IQCM: variants seen among roughly 807,000 people sequenced by gnomAD.
IQCM encodes the protein IQ motif containing M.
In IQCM, 45 loss-of-function variants were observed where a neutral mutation model predicts 57.6. That is an observed-to-expected ratio of 0.78 (90% confidence interval 0.62 to 1.00). IQCM has a LOEUF of 1.00. Among genes scored for constraint, IQCM ranks in the 50% least tolerant of loss-of-function variants. The probability of loss-of-function intolerance (pLI) is 0.00; values close to 1 mark genes in which losing one functional copy is unlikely to be tolerated. For synonymous variants in IQCM, 148 were observed against 158.9 expected, an observed-to-expected ratio of 0.93 and a Z score of 0.51; for missense variants, 468 against 511.6, an observed-to-expected ratio of 0.91 and a Z score of 0.82.
chr4:149,797,794 G>GAA (rs59723652), intron 2 of IQCM, among the ~76,000 whole-genome samples: 1 of 142,368 alleles, frequency 7.0e-6, no homozygotes. Context: ...AAATGCTGAA[G>GAA]AAAAAAAAAA....
chr4:149,586,303 T>C (rs1431094097), intron 9 of IQCM, among the ~76,000 whole-genome samples: 2 of 151,690 alleles, frequency 1.3e-5, no homozygotes, highest in Non-Finnish European at 3.0e-5. Context: ...CACAGGTCAT[T>C]CAGATTTTCT....
chr4:149,597,238 T>C (rs1753860033), intron 8 of IQCM, among the ~76,000 whole-genome samples: 1 of 151,612 alleles, frequency 6.6e-6, no homozygotes, highest in Non-Finnish European at 1.5e-5. Context: ...ATATAAACTA[T>C]GAGGGATAAA....
intron 8 of IQCM, among the ~76,000 whole-genome samples, chr4:149,617,041 T>C (rs1052965287): frequency 6.6e-6 from 1 of 151,870 alleles, no homozygotes; most frequent in Non-Finnish European, 1.5e-5. Flanking sequence ...CCACAATCTC[T>C]ACCTCCTGGG....
chr4:149,592,803 T>C (rs1388063145), intron 8 of IQCM, among the ~76,000 whole-genome samples: 2 of 152,140 alleles, frequency 1.3e-5, no homozygotes, highest in Non-Finnish European at 2.9e-5. Context: ...CCTGTTCTGT[T>C]CCATTGGTCT....
intron 2 of IQCM, among the ~76,000 whole-genome samples, chr4:149,810,657 G>T (rs964828132): frequency 2.6e-5 from 4 of 151,870 alleles, no homozygotes; most frequent in African/African-American, 9.7e-5. Context: ...TCACCATGTT[G>T]GTCAGGCTGG....
At chr4:149,689,221 A>AT (rs1419017111) in intron 5 of IQCM, among the ~76,000 whole-genome samples, 1 of 152,118 alleles carries the variant, frequency 6.6e-6, no homozygotes, top group East Asian at 1.9e-4. Context: ...ATGGAATACT[A>AT]TGCAGCCAGA....
chr4:149,491,377 A>G (rs1030341622), intron 12 of IQCM, among the ~76,000 whole-genome samples: 5 of 152,088 alleles, frequency 3.3e-5, no homozygotes, highest in African/African-American at 1.2e-4. Context: ...AAACTTTTGA[A>G]CTTATTATTC....
chr4:149,492,051 C>A (rs531979002), intron 12 of IQCM, among the ~76,000 whole-genome samples: 1 of 151,944 alleles, frequency 6.6e-6, no homozygotes, highest in African/African-American at 2.4e-5. Context: ...ATTTGTATGT[C>A]TTCTTTTGAG....
At chr4:149,365,670 A>G (rs1382961992) in intron 13 of IQCM, among the ~76,000 whole-genome samples, 1 of 152,202 alleles carries the variant, frequency 6.6e-6, no homozygotes, top group African/African-American at 2.4e-5. Flanking sequence ...CACTGATATG[A>G]TGAGGACACT....
chr4:149,636,467 C>T (rs964343046), intron 7 of IQCM, among the ~76,000 whole-genome samples: 17 of 152,188 alleles, frequency 1.1e-4, no homozygotes, highest in South Asian at 4.1e-4. Flanking sequence ...CCATGATAGA[C>T]GTGTGTGGAT....
chr4:149,771,869 G>T (rs190882013), intron 2 of IQCM, among the ~76,000 whole-genome samples: 17 of 152,038 alleles, frequency 1.1e-4, no homozygotes, highest in Non-Finnish European at 2.2e-4. Context: ...TCCTACTAAG[G>T]GGTAAACATT....
At chr4:149,621,365 T>C (rs1756318448) in intron 7 of IQCM, 121 bp from the exon 8 acceptor site, 1 of 411,034 alleles carries the variant, frequency 2.4e-6, no homozygotes, top group African/African-American at 2.0e-5. Flanking sequence ...TATTCTGTAT[T>C]AAAATCACAT....
intron 9 of IQCM, among the ~76,000 whole-genome samples, chr4:149,580,019 A>T (rs1036976574): frequency 5.3e-5 from 8 of 151,830 alleles, no homozygotes; most frequent in African/African-American, 1.7e-4. Context: ...TCTGAGCACA[A>T]GCAGATCAGT....
chr4:149,388,555 A>G (rs1400112429), intron 13 of IQCM, among the ~76,000 whole-genome samples: 3 of 132,910 alleles, frequency 2.3e-5, no homozygotes, highest in Non-Finnish European at 4.9e-5. Context: ...TAATATATAT[A>G]ATATATTTAT....
At chr4:149,565,113 G>A (rs1030281638) in intron 9 of IQCM, among the ~76,000 whole-genome samples, 1 of 152,002 alleles carries the variant, frequency 6.6e-6, no homozygotes, top group Non-Finnish European at 1.5e-5. Context: ...CACAAATGGA[G>A]TTCCACTGAC....
intron 13 of IQCM, among the ~76,000 whole-genome samples, chr4:149,416,279 G>A (rs1263560056): frequency 6.6e-6 from 1 of 151,936 alleles, no homozygotes; most frequent in Admixed American, 6.6e-5. Context: ...TAGTGATCCT[G>A]AAGATTTAAA....
At chr4:149,561,276 TC>T (rs10712505) in intron 10 of IQCM, among the ~76,000 whole-genome samples, 115,074 of 152,016 alleles carry the variant, frequency 0.76, 44,030 homozygotes, top group South Asian at 0.9. Context: ...TTTGGCCCAT[TC>T]TTTCTCTCTC....
chr4:149,388,096 A>G (rs1453380210), intron 13 of IQCM, among the ~76,000 whole-genome samples: 4 of 151,996 alleles, frequency 2.6e-5, no homozygotes, highest in African/African-American at 9.7e-5. Flanking sequence ...GTTGATGGAC[A>G]TTAGGTTATT....
chr4:149,523,915 G>C (rs902444421), intron 12 of IQCM, among the ~76,000 whole-genome samples: 1 of 152,116 alleles, frequency 6.6e-6, no homozygotes, highest in Non-Finnish European at 1.5e-5. Context: ...ACTGAAGAGT[G>C]GGTGGAAATA....
Sources: allele counts gnomAD v4.1 joint callset (sites outside exome capture counted in the v4.1 genomes callset), GRCh38; gene constraint gnomAD v4.1.1; transcripts MANE v1.5; gene names NCBI Gene and HGNC (gene_info 2026-07-23, HGNC 2026-07-21).